Variants in GAN observed in about 807,000 individuals in gnomAD.
The protein encoded by GAN is gigaxonin.
GAN carries 48 observed loss-of-function variants against 71.3 expected under a neutral mutation model. That is an observed-to-expected ratio of 0.67 (90% CI 0.53 to 0.86). GAN has a LOEUF of 0.86. GAN is among the 40% of genes least tolerant of loss of function. GAN has a pLI of 0.00. For missense variants in GAN, 928 were observed against 770.1 expected (o/e 1.21, Z -2.43); for synonymous variants, 386 against 276.8 (o/e 1.39, Z -3.92).
intron 1 of GAN, among the ~76,000 whole-genome samples, chr16:81,350,433 C>G (rs922479393): frequency 4.6e-5 from 7 of 152,132 alleles, no homozygotes; most frequent in African/African-American, 1.4e-4. Context: ...ACAGCGCCAC[C>G]TACTATGGAG....
intron 5 of GAN, among the ~76,000 whole-genome samples, chr16:81,360,917 T>C (rs1401543269): frequency 6.6e-6 from 1 of 152,198 alleles, no homozygotes; most frequent in African/African-American, 2.4e-5. Context: ...TGCATGCTGC[T>C]CATTTATTAA....
At chr16:81,327,019 G>C (rs1295407800) in intron 1 of GAN, among the ~76,000 whole-genome samples, 1 of 152,180 alleles carries the variant, frequency 6.6e-6, no homozygotes, top group Non-Finnish European at 1.5e-5. Flanking sequence ...TGTGGGGTAG[G>C]GCAAAGGGAC....
At chr16:81,341,137 G>A (rs1434479647) in intron 1 of GAN, among the ~76,000 whole-genome samples, 2 of 152,088 alleles carry the variant, frequency 1.3e-5, no homozygotes, top group East Asian at 1.9e-4. Flanking sequence ...AGAAATATGG[G>A]ACTATGTGAA....
At chr16:81,376,824 C>A (rs1597413804) in intron 9 of GAN, among the ~76,000 whole-genome samples, 2 of 152,128 alleles carry the variant, frequency 1.3e-5, no homozygotes, top group Middle Eastern at 6.8e-3. Context: ...CTGCAGTGAA[C>A]CATAATTGTG....
rs35438939 is a variant in GAN at position 81,386,919 on chromosome 16, C to CT, written c.*9323_*9324insT. 8,330 of 152,286 alleles carry CT rather than the reference C, an allele frequency of 0.055. 251 individuals are homozygous for CT. The highest frequency in any genetic ancestry group is 0.12 in the East Asian group (625 of 5,174). The allele number at this position is 152,286 out of a possible 1,614,324, so 9.4% of individuals were successfully genotyped here. A position where few individuals can be genotyped will look rare whatever the true frequency, so the allele number is the denominator to read the frequency against. ...CGAGATGGTGCCGTTGCACTCCAGC[C>CT]GGGCAACAAGGGCTAAACTCCATCT... On this transcript the variant is annotated 3_prime_UTR_variant, in exon 11 of 11. Transcript: ENST00000648994.
At chr16:81,338,901 C>A in intron 1 of GAN, among the ~76,000 whole-genome samples, 1 of 152,206 alleles carries the variant, frequency 6.6e-6, no homozygotes, top group East Asian at 1.9e-4. Context: ...AGATGATCAT[C>A]CAGCATGATG....
At chr16:81,350,874 A>G (rs2150683429) in intron 1 of GAN, among the ~76,000 whole-genome samples, 1 of 152,336 alleles carries the variant, frequency 6.6e-6, no homozygotes, top group East Asian at 1.9e-4. Flanking sequence ...TCATAGCATC[A>G]CAGTTTGCAA....
At chr16:81,376,463 A>ATGTGTGTGTG (rs1491209902) in intron 9 of GAN, among the ~76,000 whole-genome samples, 9 of 90,060 alleles carry the variant, frequency 1.0e-4, no homozygotes, top group Non-Finnish European at 1.9e-4. Context: ...TTATACATAC[A>ATGTGTGTGTG]TATGTGTGTG....
At chr16:81,318,208 G>T (rs1224074312) in intron 1 of GAN, among the ~76,000 whole-genome samples, 1 of 152,056 alleles carries the variant, frequency 6.6e-6, no homozygotes. Context: ...TTTCCCTTTT[G>T]AAACTTAAGC....
intron 1 of GAN, among the ~76,000 whole-genome samples, chr16:81,328,031 T>G (rs1350583134): frequency 3.9e-5 from 6 of 152,248 alleles, no homozygotes; most frequent in Non-Finnish European, 8.8e-5. Context: ...CTTCACCAGT[T>G]GCTGCGTCAT....
chr16:81,316,812 C>T (rs1909058775), intron 1 of GAN, among the ~76,000 whole-genome samples: 1 of 152,304 alleles, frequency 6.6e-6, no homozygotes, highest in East Asian at 1.9e-4. Flanking sequence ...TACACATTTA[C>T]TTTGGTGGTC....
Position 81,365,128 on chromosome 16 carries a change from G to A in GAN, c.1373+18G>A, listed in dbSNP as rs187260981. On this transcript the variant is annotated intron_variant, in intron 8 of 10. Transcript: ENST00000648994. ...GAGAGGAGGTACGTGGCTGTGGGGT[G>A]GACTTTGTAGATTCCCTTGCTGTTC... The A allele has an allele frequency of 3.4e-5, 55 of 1,612,156 alleles. No homozygotes were observed. In the East Asian group the frequency reaches 1.1e-3, roughly 32 times the overall value.
chr16:81,376,638 GTGTGTATATA>G (rs1567500989), intron 9 of GAN, among the ~76,000 whole-genome samples: 7 of 16,144 alleles, frequency 4.3e-4, no homozygotes, highest in Non-Finnish European at 6.9e-4. Context: ...ATACATATAT[GTGTGTATATA>G]TGTGTGTATA....
At chr16:81,346,516 C>T (rs909701556) in intron 1 of GAN, among the ~76,000 whole-genome samples, 34 of 152,144 alleles carry the variant, frequency 2.2e-4, no homozygotes, top group African/African-American at 7.7e-4. Context: ...GAGCGCGAAC[C>T]CTATTGTGAA....
intron 1 of GAN, among the ~76,000 whole-genome samples, chr16:81,330,753 GA>G (rs1020764518): frequency 2.6e-5 from 4 of 152,198 alleles, no homozygotes; most frequent in African/African-American, 7.2e-5. Flanking sequence ...CTTACAAAGG[GA>G]AAAATTATAA....
chr16:81,346,160 C>T (rs947635053), intron 1 of GAN, among the ~76,000 whole-genome samples: 2 of 152,164 alleles, frequency 1.3e-5, no homozygotes, highest in Admixed American at 6.5e-5. Context: ...AACCACAGAA[C>T]AGTTTGAGCA....
At chr16:81,341,245 C>G (rs1909930884) in intron 1 of GAN, among the ~76,000 whole-genome samples, 1 of 152,060 alleles carries the variant, frequency 6.6e-6, no homozygotes, top group Admixed American at 6.6e-5. Context: ...GGAGAACTTC[C>G]CCAACCTAGG....
At chr16:81,361,324 A>G (rs1454158718) in intron 5 of GAN, among the ~76,000 whole-genome samples, 1 of 152,204 alleles carries the variant, frequency 6.6e-6, no homozygotes, top group African/African-American at 2.4e-5. Context: ...AGGTCCTTCT[A>G]CAGAAGTTTT....
chr16:81,388,343 A>G lies in GAN; in HGVS notation c.*10747A>G, dbSNP rs1040212149. 6.6e-6 allele frequency: 1 copy of G among 152,362 alleles called. No individual in the cohort carries two copies. Among genetic ancestry groups the G allele is most frequent in the Non-Finnish European group, 1.5e-5 (1 of 68,184 alleles). 9.4% of individuals were successfully genotyped at this position (152,362 alleles called of 1,614,324 possible). On this transcript the variant is annotated 3_prime_UTR_variant, in exon 11 of 11. Transcript: ENST00000648994. Reference sequence around the variant, plus strand: ...CTTCAGACCACATAATGGCCAGAGCATGAGCCTCACAGATCCCTGAGCAGA... The same window carrying G: ...CTTCAGACCACATAATGGCCAGAGCGTGAGCCTCACAGATCCCTGAGCAGA...
Sources: allele counts gnomAD v4.1 joint callset (sites outside exome capture counted in the v4.1 genomes callset), GRCh38; gene constraint gnomAD v4.1.1; transcripts MANE v1.5; gene names NCBI Gene and HGNC (gene_info 2026-07-23, HGNC 2026-07-21).